ZDHHC21: variants seen among roughly 807,000 people sequenced by gnomAD.
The protein encoded by ZDHHC21 is palmitoyltransferase ZDHHC21.
ZDHHC21 carries 15 observed loss-of-function variants against 34.6 expected under a neutral mutation model. The observed-to-expected ratio is 0.43, with a 90% CI of 0.29 to 0.67. ZDHHC21 has a LOEUF of 0.67. Ranked by LOEUF, ZDHHC21 falls within the 30% of genes least tolerant of loss-of-function variation. The pLI is 0.14. For missense variants in ZDHHC21, 344 were observed against 327.7 expected (o/e 1.05, Z -0.38); for synonymous variants, 142 against 101.8 (o/e 1.40, Z -2.38).
rs1827807171 is a variant in ZDHHC21, at chr9:14,633,876, G to T, written c.621+6020C>A. Reference sequence around the variant, plus strand: ...AGCAACCCCGTCCTCCCCAGTAGCAGGGCTGCAATGGATGCCATCCCCACC... The same window carrying T: ...AGCAACCCCGTCCTCCCCAGTAGCATGGCTGCAATGGATGCCATCCCCACC... On this transcript the variant is annotated intron_variant, in intron 8 of 9. Transcript: ENST00000380916. Among the ~76,000 whole-genome samples the T allele has an allele frequency of 2.6e-5, 4 of 152,146 alleles. No individual in the cohort carries two copies. In the South Asian group the frequency reaches 8.3e-4, roughly 32 times the overall value.
intron 5 of ZDHHC21, among the ~76,000 whole-genome samples, chr9:14,663,631 T>C (rs368263744): frequency 2.6e-5 from 4 of 152,156 alleles, no homozygotes; most frequent in East Asian, 3.9e-4. Context: ...TGGACTTTTA[T>C]ATAGTAAAGC....
chr9:14,628,455 C>T (rs1039519895), intron 8 of ZDHHC21, among the ~76,000 whole-genome samples: 2 of 152,148 alleles, frequency 1.3e-5, no homozygotes, highest in Non-Finnish European at 2.9e-5. Flanking sequence ...AGAGACAACA[C>T]TTATTTTGCT....
intron 5 of ZDHHC21, among the ~76,000 whole-genome samples, chr9:14,672,164 T>C (rs1835587873): frequency 6.6e-6 from 1 of 152,096 alleles, no homozygotes; most frequent in Non-Finnish European, 1.5e-5. Context: ...AAAAAAATAG[T>C]TAAAATCACC....
rs1837769738 is a variant in ZDHHC21, at chr9:14,683,636, G to A, written c.-175-3474C>T. 3.9e-5 allele frequency: 6 copies of A among 152,178 alleles called. No homozygotes were observed. The South Asian group carries it at 1.2e-3, about 32-fold the overall frequency. 9.4% of individuals were successfully genotyped at this position (152,178 alleles called of 1,614,324 possible). A position where few individuals can be genotyped will look rare whatever the true frequency, so the allele number is the denominator to read the frequency against. On this transcript the variant is annotated intron_variant, in intron 2 of 9. Coordinates refer to ENST00000380916, the MANE Select transcript of ZDHHC21 (RefSeq NM_178566.6). ...CTACCAGAGGTACAAGGAGGAGCTG[G>A]TACCATTCCTTCTGAAGCTATTCCA...
At chr9:14,670,076 T>A (rs1457162314) in intron 5 of ZDHHC21, among the ~76,000 whole-genome samples, 1 of 151,362 alleles carries the variant, frequency 6.6e-6, no homozygotes, top group Non-Finnish European at 1.5e-5. Context: ...TTGCAAGGAA[T>A]ATAGACAGGA....
chr9:14,640,301 T>C (rs1226568026), intron 7 of ZDHHC21, among the ~76,000 whole-genome samples: 57 of 75,016 alleles, frequency 7.6e-4, no homozygotes, highest in African/African-American at 2.1e-3. Context: ...TTTGAACCTA[T>C]TTTGGGGAAA....
At chr9:14,654,058 A>G (rs373898794) in intron 7 of ZDHHC21, among the ~76,000 whole-genome samples, 1 of 151,998 alleles carries the variant, frequency 6.6e-6, no homozygotes, top group South Asian at 2.1e-4. Context: ...CACATTCAGT[A>G]CTGAATGAAA....
chr9:14,624,074 C>T (rs1293582540), intron 8 of ZDHHC21, among the ~76,000 whole-genome samples: 2 of 151,096 alleles, frequency 1.3e-5, no homozygotes, highest in African/African-American at 4.9e-5. Flanking sequence ...AACCATGGAT[C>T]GAAAATACTT....
downstream of ZDHHC21, among the ~76,000 whole-genome samples, chr9:14,610,868 G>A (rs1343705): frequency 0.64 from 97,751 of 151,784 alleles, 32,510 homozygotes; most frequent in African/African-American, 0.81. Context: ...GTCAATTTCA[G>A]CCCTAGTATG....
At chr9:14,597,870 T>C in the ZDHHC21 span, among the ~76,000 whole-genome samples, 1 of 151,840 alleles carries the variant, frequency 6.6e-6, no homozygotes, top group Non-Finnish European at 1.5e-5. Flanking sequence ...CCCAGACACA[T>C]CATCTGGGTA....
rs1837111657 is a variant in ZDHHC21 at position 14,680,115 on chromosome 9, A to G, written c.-128T>C. ...TTCTTTTGATTCATTTTTTTTAATT[A>G]TATCCCACCAAATGGATCTCTCTTC... On this transcript the variant is annotated 5_prime_UTR_variant, in exon 3 of 10. An upstream open reading frame in the 5' UTR loses its in-frame stop. Coordinates refer to ENST00000380916, the MANE Select transcript of ZDHHC21 (RefSeq NM_178566.6). 6.6e-6 allele frequency: 1 copy of G among 152,550 alleles called. No homozygotes were observed. The highest frequency in any genetic ancestry group is 1.5e-5 in the Non-Finnish European group (1 of 68,004). 9.4% of individuals were successfully genotyped at this position (152,550 alleles called of 1,614,324 possible).
chr9:14,640,108 C>T, intron 7 of ZDHHC21, 96 bp from the exon 8 acceptor site: 1 of 594,904 alleles, frequency 1.7e-6, no homozygotes, highest in Non-Finnish European at 2.9e-6. Context: ...ACACATCTTC[C>T]TTATTATCTT....
At chr9:14,640,842 G>A (rs1829252441) in intron 7 of ZDHHC21, among the ~76,000 whole-genome samples, 1 of 152,076 alleles carries the variant, frequency 6.6e-6, no homozygotes, top group Non-Finnish European at 1.5e-5. Flanking sequence ...GGTCCTAAAA[G>A]TAAACCAAAG....
At chr9:14,626,215 T>C (rs965343135) in intron 8 of ZDHHC21, among the ~76,000 whole-genome samples, 7 of 152,054 alleles carry the variant, frequency 4.6e-5, no homozygotes, top group Non-Finnish European at 8.8e-5. Flanking sequence ...TAATAATATA[T>C]CAATAAAATG....
At chr9:14,629,118 CTCTT>C (rs1826851952) in intron 8 of ZDHHC21, among the ~76,000 whole-genome samples, 1 of 152,182 alleles carries the variant, frequency 6.6e-6, no homozygotes, top group South Asian at 2.1e-4. Flanking sequence ...CTCTTGCTTT[CTCTT>C]TCTTAACAAT....
At chr9:14,680,934 A>C (rs1837267903) in intron 2 of ZDHHC21, among the ~76,000 whole-genome samples, 1 of 152,196 alleles carries the variant, frequency 6.6e-6, no homozygotes, top group South Asian at 2.1e-4. Context: ...AAGATTCCTG[A>C]AGACAACAAA....
intron 2 of ZDHHC21, among the ~76,000 whole-genome samples, chr9:14,684,413 C>A (rs1837941458): frequency 6.8e-6 from 1 of 147,474 alleles, no homozygotes; most frequent in Non-Finnish European, 1.5e-5. Context: ...CAACAACAGA[C>A]AAACAGAGAG....
chr9:14,664,388 C>T (rs2133971484), intron 5 of ZDHHC21, among the ~76,000 whole-genome samples: 1 of 151,262 alleles, frequency 6.6e-6, no homozygotes, highest in South Asian at 2.1e-4. Context: ...ATTGCTAGCA[C>T]AGCAGTCTGA....
chr9:14,647,202 C>G (rs1456243114), intron 7 of ZDHHC21, among the ~76,000 whole-genome samples: 2 of 151,984 alleles, frequency 1.3e-5, no homozygotes, highest in Non-Finnish European at 2.9e-5. Flanking sequence ...TATTCCTATA[C>G]TCCTATCTCA....
Sources: allele counts gnomAD v4.1 joint callset (sites outside exome capture counted in the v4.1 genomes callset), GRCh38; gene constraint gnomAD v4.1.1; transcripts MANE v1.5; gene names NCBI Gene and HGNC (gene_info 2026-07-23, HGNC 2026-07-21).